Variants in MFGE8 observed in about 807,000 individuals in gnomAD.
The protein encoded by MFGE8 is milk fat globule EGF and factor V/VIII domain containing.
A neutral mutation model predicts 42.6 loss-of-function variants in MFGE8; 34 were observed. The observed-to-expected ratio is 0.80, with a 90% CI of 0.61 to 1.06. MFGE8 has a LOEUF of 1.06. Among genes scored for constraint, MFGE8 ranks in the 50% least tolerant of loss-of-function variants. The pLI is 0.00. For missense variants in MFGE8, 510 were observed against 516.9 expected (o/e 0.99, Z 0.13); for synonymous variants, 230 against 214.8 (o/e 1.07, Z -0.62).
rs1017588040 is a variant in MFGE8 at position 88,907,008 on chromosome 15, C to G, written c.387+187G>C. Among the ~76,000 whole-genome samples, 5 of 152,232 alleles carry G rather than the reference C, an allele frequency of 3.3e-5. No individual in the cohort carries two copies. The South Asian group carries it at 6.2e-4, about 19-fold the overall frequency. ...CTCCACAGCCTGGGGCCTCCTCCCC[C>G]CTCACCTTGACCCCATACCAGGTTC... is the stretch of plus-strand genomic sequence containing the variant. On this transcript the variant is annotated intron_variant, in intron 3 of 7. Transcript: ENST00000268150.
rs763622380 is a variant in MFGE8, at chr15:88,907,262, C to T, written c.320G>A (p.Arg107His). 105 of 1,614,032 alleles carry T rather than the reference C, an allele frequency of 6.5e-5. No homozygotes were observed. The highest frequency in any genetic ancestry group is 8.6e-5 in the Non-Finnish European group (101 of 1,180,014). Reference sequence around the variant, plus strand: ...ATTGACCATGCCTGCGCGGTTCAGGCGGGCCAGCTCCGGGACCCAATGCTG... The same window carrying T: ...ATTGACCATGCCTGCGCGGTTCAGGTGGGCCAGCTCCGGGACCCAATGCTG... ...GLQHWVPELA[R>H]LNRAGMVNAW... The change falls in exon 3 of 8, where the codon CGC becomes CAC. Residue 107 changes from arginine (R) to histidine (H), a missense_variant. By Grantham distance (29) the Arg-to-His change is conservative. Coordinates refer to ENST00000268150, the MANE Select transcript of MFGE8 (RefSeq NM_005928.4).
Position 88,905,792 on chromosome 15 carries a change from G to A in MFGE8, c.650C>T (p.Thr217Ile), listed in dbSNP as rs750367546. 1 of 1,614,242 alleles carries A rather than the reference G, an allele frequency of 6.2e-7. No homozygotes were observed. The highest frequency in any genetic ancestry group is 1.7e-5 in the Admixed American group (1 of 60,030). ...ACAGCCCAGTAGCTCAAAGCGCAGA[G>A]TGCAGGCCGTGTGGCAGCTCGTGGG... ...LYPTSCHTAC[T>I]LRFELLGCEL... Residue 217 changes from threonine (T) to isoleucine (I), a missense_variant, in exon 5 of 8, where the codon ACT becomes ATT. By Grantham distance (89) the Thr-to-Ile change is moderately conservative. Transcript: ENST00000268150. This position sits in a 1 kb window ranked among gnomAD's most constrained non-coding sequence, Gnocchi z 6.6.
chr15:88,899,587 G>C lies in MFGE8; in HGVS notation c.1027-55C>G, dbSNP rs1161652527. The C allele has an allele frequency of 1.1e-5, 18 of 1,613,972 alleles. No individual in the cohort carries two copies. The highest frequency in any genetic ancestry group is 1.4e-5 in the Non-Finnish European group (17 of 1,180,000). ...CCGAGCCAGCCCCCCTCCCCTCAGA[G>C]CCCCAGGCCAGACTCCCAGGGAAGT... On this transcript the variant is annotated intron_variant, in intron 7 of 7. Transcript: ENST00000268150. The surrounding 1 kb of genome is among the most constrained non-coding windows in gnomAD (Gnocchi z 6.8).
At chr15:88,907,714 G>GC (rs72273167) in intron 2 of MFGE8, among the ~76,000 whole-genome samples, 78 of 149,686 alleles carry the variant, frequency 5.2e-4, no homozygotes, top group Middle Eastern at 6.8e-3. Context: ...AGTCCCCCCC[G>GC]CCAGGCTGTG....
In MFGE8 at chr15:88,906,335, C is replaced by G. The variant is rs1898673755; in HGVS notation, c.540+291G>C. On this transcript the variant is annotated intron_variant, in intron 4 of 7. Coordinates refer to ENST00000268150, the MANE Select transcript of MFGE8 (RefSeq NM_005928.4). This position sits in a 1 kb window ranked among gnomAD's most constrained non-coding sequence, Gnocchi z 4.2. ...ACAACCTACACAACTGTACATGTAC[C>G]CATGAAGGCTCAGAATGAAACCCAG... 1.4e-5 allele frequency: 7 copies of G among 484,156 alleles called. No individual in the cohort carries two copies. Among genetic ancestry groups the G allele is most frequent in the Non-Finnish European group, 2.6e-5 (7 of 264,154 alleles). The allele number at this position is 484,156 out of a possible 1,614,324, so 30.0% of individuals were successfully genotyped here.
chr15:88,913,274 A>G lies in MFGE8; in HGVS notation c.46T>C (p.Cys16Arg). Residue 16 changes from cysteine (C) to arginine (R), a missense_variant, in exon 1 of 8, where the codon TGC becomes CGC. By Grantham distance (180) the Cys-to-Arg change is radical. Coordinates refer to ENST00000268150, the MANE Select transcript of MFGE8 (RefSeq NM_005928.4). ...AGGGCGACGAGGAGGCTGGGGGCGC[A>G]GAGCAGCGCGCCGCACAGCGCGGCC... ...LLAALCGALL[C>R]APSLLVALDI... 2 of 1,497,524 alleles carry G rather than the reference A, an allele frequency of 1.3e-6. No individual in the cohort carries two copies. The highest frequency in any genetic ancestry group is 2.5e-5 in the South Asian group (2 of 79,974). The allele number at this position is 1,497,524 out of a possible 1,614,324, so 92.8% of individuals were successfully genotyped here.
chr15:88,913,131 TC>T, intron 1 of MFGE8, 115 bp downstream of exon 1: 2 of 1,373,308 alleles, frequency 1.5e-6, no homozygotes, highest in Admixed American at 3.3e-5. Flanking sequence ...CCCAGCCCGG[TC>T]CCCGGGGCTT....
Position 88,905,853 on chromosome 15 carries a change from C to G in MFGE8, c.589G>C (p.Glu197Gln). The G allele has an allele frequency of 6.2e-7, 1 of 1,614,232 alleles. No individual in the cohort carries two copies. Among genetic ancestry groups the G allele is most frequent in the East Asian group, 2.2e-5 (1 of 44,886 alleles). Reference protein sequence around the residue: ...NKNAVHVNLFETPVEAQYVRL... With the variant: ...NKNAVHVNLFQTPVEAQYVRL... ...ACGTACTGAGCCTCCACAGGGGTCT[C>G]AAACAGGTTGACATGCACCGCGTTT... Residue 197 changes from glutamate (E) to glutamine (Q), a missense_variant, in exon 5 of 8, where the codon GAG becomes CAG. Physicochemically the swap from Glu to Gln is conservative, Grantham distance 29 (BLOSUM62 2). Transcript: ENST00000268150. The surrounding 1 kb of genome is among the most constrained non-coding windows in gnomAD (Gnocchi z 6.6).
In MFGE8 at chr15:88,909,845, G is replaced by C. The variant is rs1421894213; in HGVS notation, c.152C>G (p.Pro51Arg). ...ISQEVRGDVF[P>R]SYTCTCLKGY... ...CTTAAGGCACGTGCAGGTGTACGAG[G>C]GGAAGACATCTCCTCGCACTTCTTG... Residue 51 changes from proline (P) to arginine (R), a missense_variant, in exon 2 of 8, where the codon CCC becomes CGC. Physicochemically the swap from Pro to Arg is moderately radical, Grantham distance 103. Coordinates refer to ENST00000268150, the MANE Select transcript of MFGE8 (RefSeq NM_005928.4). 1 of 1,614,238 alleles carries C rather than the reference G, an allele frequency of 6.2e-7. No homozygotes were observed. The highest frequency in any genetic ancestry group is 2.2e-5 in the East Asian group (1 of 44,884).
rs1898482963 is a variant in MFGE8, at chr15:88,902,548, C to G, written c.686-813G>C. On this transcript the variant is annotated intron_variant, in intron 5 of 7. Coordinates refer to ENST00000268150, the MANE Select transcript of MFGE8 (RefSeq NM_005928.4). This position sits in a 1 kb window ranked among gnomAD's most constrained non-coding sequence, Gnocchi z 4.3. ...CAGAAGCCCCCTGACTTAGTGTCTC[C>G]CAGAGGGCCTTCGCACACTCAAATG... 1 of 152,236 alleles carries G rather than the reference C, an allele frequency of 6.6e-6. No individual in the cohort carries two copies. Among genetic ancestry groups the G allele is most frequent in the Non-Finnish European group, 1.5e-5 (1 of 68,066 alleles). The allele number at this position is 152,236 out of a possible 1,614,324, so 9.4% of individuals were successfully genotyped here.
rs370136260 is a variant in MFGE8, at chr15:88,899,360, G to A, written c.*35C>T. 5.0e-6 allele frequency: 8 copies of A among 1,613,018 alleles called. No homozygotes were observed. Among genetic ancestry groups the A allele is most frequent in the East Asian group, 2.2e-5 (1 of 44,892 alleles). Reference sequence around the variant, plus strand: ...AGAAGCCAAGAGGCAGCGGGCCCATGGAAAGCAGGAAGACCTGGGGGTGGC... The same window carrying A: ...AGAAGCCAAGAGGCAGCGGGCCCATAGAAAGCAGGAAGACCTGGGGGTGGC... On this transcript the variant is annotated 3_prime_UTR_variant, in exon 8 of 8. Transcript: ENST00000268150. The surrounding 1 kb of genome is among the most constrained non-coding windows in gnomAD (Gnocchi z 6.8).
In MFGE8 at chr15:88,902,042, A is replaced by C; in HGVS notation, c.686-307T>G. Reference sequence around the variant, plus strand: ...CTCCACCACCTCCTGCCCTCCTTCAATGCCTGACTTTGGAGACACCTCCTC... The same window carrying C: ...CTCCACCACCTCCTGCCCTCCTTCACTGCCTGACTTTGGAGACACCTCCTC... On this transcript the variant is annotated intron_variant, in intron 5 of 7. Coordinates refer to ENST00000268150, the MANE Select transcript of MFGE8 (RefSeq NM_005928.4). The surrounding 1 kb of genome is among the most constrained non-coding windows in gnomAD (Gnocchi z 4.3). 4.9e-6 allele frequency: 2 copies of C among 408,046 alleles called. No individual in the cohort carries two copies. The highest frequency in any genetic ancestry group is 9.3e-6 in the Non-Finnish European group (2 of 214,730). 25.3% of individuals were successfully genotyped at this position (408,046 alleles called of 1,614,324 possible).
At chr15:88,901,311 A>ACACACTCACACG (rs1898413358) in intron 6 of MFGE8, among the ~76,000 whole-genome samples, 1 of 130,102 alleles carries the variant, frequency 7.7e-6, no homozygotes, top group African/African-American at 2.7e-5. Context: ...ACACTCACAC[A>ACACACTCACACG]CACACATTCA....
In MFGE8 at chr15:88,907,248, C is replaced by T; in HGVS notation, c.334G>A (p.Gly112Ser). 1 of 1,614,150 alleles carries T rather than the reference C, an allele frequency of 6.2e-7. No homozygotes were observed. Among genetic ancestry groups the T allele is most frequent in the African/African-American group, 1.3e-5 (1 of 75,038 alleles). Residue 112 changes from glycine to serine, a missense_variant, in exon 3 of 8, where the codon GGC (glycine) becomes AGC (serine). Physicochemically the swap from Gly to Ser is moderately conservative, Grantham distance 56. Coordinates refer to ENST00000268150, the MANE Select transcript of MFGE8 (RefSeq NM_005928.4). ...CTGGGTGTCCAGGCATTGACCATGC[C>T]TGCGCGGTTCAGGCGGGCCAGCTCC... ...VPELARLNRA[G>S]MVNAWTPSSN...
chr15:88,904,409 A>G (rs556754078), intron 5 of MFGE8: 1 of 152,436 alleles, frequency 6.6e-6, no homozygotes, highest in East Asian at 1.9e-4. Flanking sequence ...TGGAAGGCCT[A>G]TAGGGAAAGG....
chr15:88,901,183 TCACA>T (rs747045547), intron 6 of MFGE8, among the ~76,000 whole-genome samples: 1 of 46,528 alleles, frequency 2.1e-5, no homozygotes, highest in South Asian at 6.2e-4. Context: ...TCTCACACAT[TCACA>T]CACACATTCA....
At chr15:88,901,525 C>T in intron 6 of MFGE8, 26 bp downstream of exon 6, 1 of 1,444,810 alleles carries the variant, frequency 6.9e-7, no homozygotes, top group Non-Finnish European at 9.7e-7. Context: ...CAACCCCAGC[C>T]CCATATCCCA....
In MFGE8 at chr15:88,901,761, G is replaced by A. The variant is rs757824760; in HGVS notation, c.686-26C>T. ...CTGCCAGCAAGGTGGGCTGTCATCT[G>A]GATCTGGGATCCACAGCTCCCAGGG... On this transcript the variant is annotated intron_variant, in intron 5 of 7. Coordinates refer to ENST00000268150, the MANE Select transcript of MFGE8 (RefSeq NM_005928.4). 28 of 1,612,638 alleles carry A rather than the reference G, an allele frequency of 1.7e-5. No individual in the cohort carries two copies. In the East Asian group the frequency reaches 5.8e-4, roughly 33 times the overall value.
At chr15:88,900,217 G>A (rs960858055) in intron 6 of MFGE8, among the ~76,000 whole-genome samples, 2 of 150,772 alleles carry the variant, frequency 1.3e-5, no homozygotes, top group African/African-American at 4.9e-5. Context: ...ACTCCAGCCT[G>A]GGTGACAGAG....
Sources: allele counts gnomAD v4.1 joint callset (sites outside exome capture counted in the v4.1 genomes callset), GRCh38; gene constraint gnomAD v4.1.1; non-coding constraint Gnocchi (gnomAD v3.1); transcripts MANE v1.5; gene names NCBI Gene and HGNC (gene_info 2026-07-23, HGNC 2026-07-21).